Variants in TARS2 observed in about 807,000 individuals in gnomAD.
TARS2 encodes threonyl-tRNA synthetase 2, mitochondrial.
Under a neutral mutation model 94.4 loss-of-function variants are expected in TARS2, and 61 were observed. The observed-to-expected ratio is 0.65, with a 90% CI of 0.53 to 0.80. TARS2 has a LOEUF of 0.80. Among genes scored for constraint, TARS2 ranks in the 30% least tolerant of loss-of-function variants. The pLI, the probability that TARS2 is intolerant of heterozygous loss-of-function variation, is 0.00. For missense variants in TARS2, 704 were observed against 902.5 expected (o/e 0.78, Z 2.82); for synonymous variants, 359 against 353.4 (o/e 1.02, Z -0.18).
At chr1:150,503,334 T>A (rs1670004921) in intron 13 of TARS2, among the ~76,000 whole-genome samples, 1 of 152,038 alleles carries the variant, frequency 6.6e-6, no homozygotes, top group African/African-American at 2.4e-5. Context: ...GGGAGGGGCC[T>A]GAGGATGGGA....
At position 150,498,897 on chromosome 1, in the gene TARS2, C is replaced by A. The variant is rs769440722; in HGVS notation, c.1402C>A (p.Leu468Met). 8 of 1,614,212 alleles carry A rather than the reference C, an allele frequency of 5.0e-6. No homozygotes were observed. The highest frequency in any genetic ancestry group is 6.8e-6 in the Non-Finnish European group (8 of 1,180,038). The change falls in exon 12 of 18, where the codon CTG becomes ATG. Residue 468 changes from leucine (L) to methionine (M), a missense_variant and splice_region_variant. Coordinates refer to ENST00000369064, the MANE Select transcript of TARS2 (RefSeq NM_025150.5). ...DAHIFCTTDQ[L>M]EAEIQSCLDF... is the part of the protein sequence containing the mutation. The stretch of plus-strand genomic sequence containing the variant: ...ACTGACCCTTATTTCCTGCCCCTAG[C>A]TGGAAGCAGAGATCCAAAGCTGTCT...
At chr1:150,502,619 C>T (rs900238101) in intron 13 of TARS2, among the ~76,000 whole-genome samples, 3 of 152,084 alleles carry the variant, frequency 2.0e-5, no homozygotes, top group African/African-American at 7.2e-5. Flanking sequence ...GAACTCCTGA[C>T]CTCAGGTGGT....
intron 8 of TARS2, 23 bp downstream of exon 8, chr1:150,496,651 G>A (rs750426907): frequency 6.2e-7 from 1 of 1,608,270 alleles, no homozygotes; most frequent in Non-Finnish European, 8.5e-7. Context: ...GGAAGATAGG[G>A]AGGGATGGTG....
At chr1:150,494,147 A>T (rs1410442821) in intron 7 of TARS2, among the ~76,000 whole-genome samples, 1 of 152,084 alleles carries the variant, frequency 6.6e-6, no homozygotes, top group East Asian at 1.9e-4. Context: ...CAGGCGGATC[A>T]CTTGAGGTCA....
chr1:150,503,585 A>ATATATATGTGTG (rs1461714331), intron 13 of TARS2, among the ~76,000 whole-genome samples: 11 of 137,106 alleles, frequency 8.0e-5, no homozygotes, highest in African/African-American at 2.9e-4. Flanking sequence ...GTGTATATAT[A>ATATATATGTGTG]TGTGTGTGTG....
At chr1:150,487,782 C>T in intron 1 of TARS2, 76 bp from the exon 2 acceptor site, 1 of 1,550,378 alleles carries the variant, frequency 6.5e-7, no homozygotes, top group Non-Finnish European at 8.8e-7. Flanking sequence ...CTTAACCATC[C>T]CAAAGTGCCA....
intron 13 of TARS2, among the ~76,000 whole-genome samples, chr1:150,501,302 ATT>A (rs869271907): frequency 1.7e-3 from 55 of 32,086 alleles, no homozygotes; most frequent in African/African-American, 4.2e-3. Context: ...ACAAAAAAAA[ATT>A]TTTTTTTTTT....
At chr1:150,503,625 GTATATA>G (rs1263338831) in intron 13 of TARS2, among the ~76,000 whole-genome samples, 11 of 118,698 alleles carry the variant, frequency 9.3e-5, no homozygotes, top group Non-Finnish European at 1.3e-4. Flanking sequence ...ATATGTGTGT[GTATATA>G]TGTGTGTGTA....
intron 13 of TARS2, among the ~76,000 whole-genome samples, chr1:150,503,810 G>A (rs1429094620): frequency 1.3e-5 from 2 of 151,174 alleles, no homozygotes; most frequent in Non-Finnish European, 2.9e-5. Flanking sequence ...GGCTGAGGCA[G>A]GAGAGTCGCT....
chr1:150,488,318 A>G, intron 2 of TARS2: 1 of 362,778 alleles, frequency 2.8e-6, no homozygotes, highest in Non-Finnish European at 5.0e-6. Flanking sequence ...TACAGGCATG[A>G]GCCACCAAAC....
In TARS2 at chr1:150,503,577, G is replaced by GTATATATA. The variant is rs370458461; in HGVS notation, c.1618-756_1618-749dup. On this transcript the variant is annotated intron_variant, in intron 13 of 17. Coordinates refer to ENST00000369064, the MANE Select transcript of TARS2 (RefSeq NM_025150.5). ...TGTGTGTGTGTGTGTGTGTGTGTGT[G>GTATATATA]TATATATATGTGTGTGTGTGTGTGT... Among the ~76,000 whole-genome samples, 737 of 141,430 alleles carry GTATATATA rather than the reference G, an allele frequency of 5.2e-3. 13 individuals carry two copies. The highest frequency in any genetic ancestry group is 0.019 in the African/African-American group (716 of 37,238). The allele number at this position is 141,430 out of a possible 152,430, so 92.8% of individuals were successfully genotyped here.
intron 13 of TARS2, among the ~76,000 whole-genome samples, chr1:150,503,545 ATGTGTGTGTGTGTGTGTGTGTG>A (rs368609900): frequency 1.0e-5 from 1 of 95,576 alleles, no homozygotes; most frequent in African/African-American, 3.7e-5. Flanking sequence ...AAATACACAT[ATGTGTGTGTGTGTGTGTGTGTG>A]TGTGTGTGTG....
intron 7 of TARS2, among the ~76,000 whole-genome samples, chr1:150,494,183 A>G (rs1669535641): frequency 6.6e-6 from 1 of 151,980 alleles, no homozygotes; most frequent in Admixed American, 6.6e-5. Context: ...CCTGGCCAAC[A>G]TGGTGAAACC....
rs774513816 is a variant in TARS2, at chr1:150,504,378, G to A, written c.1661G>A (p.Cys554Tyr). The A allele has an allele frequency of 6.2e-7, 1 of 1,614,124 alleles. No individual in the cohort carries two copies. Among genetic ancestry groups the A allele is most frequent in the South Asian group, 1.1e-5 (1 of 91,082 alleles). ...LHDALGRPHQ[C>Y]GTIQLDFQLP... The stretch of plus-strand genomic sequence containing the variant: ...GATGCCCTGGGCCGGCCACATCAGT[G>A]TGGGACAATTCAGCTTGACTTCCAA... The change falls in exon 14 of 18, where the codon TGT (cysteine) becomes TAT (tyrosine). Residue 554 changes from cysteine to tyrosine, a missense_variant. Around this residue, in one of 3 missense-constraint regions of TARS2, gnomAD observed 466 missense variants for 609.5 expected, o/e 0.76. Transcript: ENST00000369064.
chr1:150,504,489 T>C, intron 14 of TARS2, 54 bp downstream of exon 14: 1 of 1,600,328 alleles, frequency 6.2e-7, no homozygotes, highest in Non-Finnish European at 8.6e-7. Flanking sequence ...GAATAAGTCC[T>C]TCTGCCTTTG....
chr1:150,506,300 A>G (rs1670198365), intron 17 of TARS2, among the ~76,000 whole-genome samples: 1 of 151,850 alleles, frequency 6.6e-6, no homozygotes, highest in Non-Finnish European at 1.5e-5. Context: ...CCCTGCATAC[A>G]TCCTCCTCAG....
chr1:150,495,608 C>T (rs1275287786), intron 7 of TARS2, among the ~76,000 whole-genome samples: 1 of 146,662 alleles, frequency 6.8e-6, no homozygotes, highest in Admixed American at 6.8e-5. Context: ...GTTGGTCAGG[C>T]TGGTCTTGAA....
At chr1:150,488,098 C>CTTTACTT in intron 2 of TARS2, 44 bp downstream of exon 2, 1 of 1,589,212 alleles carries the variant, frequency 6.3e-7, no homozygotes, top group East Asian at 2.2e-5. Flanking sequence ...CCTTCTGCCC[C>CTTTACTT]TTTACTTTCT....
intron 13 of TARS2, among the ~76,000 whole-genome samples, chr1:150,501,882 C>CT (rs145791174): frequency 0.026 from 3,896 of 151,692 alleles, 166 homozygotes; most frequent in African/African-American, 0.088. Flanking sequence ...TAGCTAAAAT[C>CT]TTTTTTTTGT....
Sources: allele counts gnomAD v4.1 joint callset (sites outside exome capture counted in the v4.1 genomes callset), GRCh38; gene constraint gnomAD v4.1.1; regional missense constraint gnomAD v4.1.1; transcripts MANE v1.5; gene names NCBI Gene and HGNC (gene_info 2026-07-23, HGNC 2026-07-21).